Variants in SPPL3 observed in about 807,000 individuals in gnomAD.
SPPL3 encodes the protein signal peptide peptidase like 3, also known as signal peptide peptidase-like 3.
SPPL3 carries 5 observed loss-of-function variants against 42.4 expected under a neutral mutation model. The observed-to-expected ratio is 0.12, with a 90% confidence interval of 0.06 to 0.25. The LOEUF is 0.25. SPPL3 is among the 10% of genes least tolerant of loss of function. The pLI, the probability that SPPL3 is intolerant of heterozygous loss-of-function variation, is 1.00. For synonymous variants in SPPL3, 195 were observed against 181.8 expected (o/e 1.07, Z -0.58); for missense variants, 235 against 489.0 (o/e 0.48, Z 4.90).
chr12:120,862,008 T>C (rs1872629858), intron 1 of SPPL3, among the ~76,000 whole-genome samples: 1 of 152,158 alleles, frequency 6.6e-6, no homozygotes, highest in Admixed American at 6.5e-5. Flanking sequence ...TGAACATGAA[T>C]TACAATGTAG....
intron 1 of SPPL3, among the ~76,000 whole-genome samples, chr12:120,852,878 T>TTATATGAAATA (rs1461979024): frequency 7.2e-6 from 1 of 138,200 alleles, no homozygotes; most frequent in African/African-American, 2.8e-5. Flanking sequence ...TATATACATA[T>TTATATGAAATA]CATATATATT....
At chr12:120,899,717 C>G (rs1231977287) in intron 1 of SPPL3, among the ~76,000 whole-genome samples, 1 of 151,416 alleles carries the variant, frequency 6.6e-6, no homozygotes. Context: ...ATGGTGAAAT[C>G]CCATCTCTAC....
chr12:120,893,044 C>A (rs1455634532), intron 1 of SPPL3, among the ~76,000 whole-genome samples: 2 of 150,048 alleles, frequency 1.3e-5, no homozygotes, highest in Admixed American at 6.7e-5. Flanking sequence ...CCAAGAGAGA[C>A]AAAAACTAAA....
At chr12:120,889,839 T>TC (rs1873576755) in intron 1 of SPPL3, among the ~76,000 whole-genome samples, 1 of 152,212 alleles carries the variant, frequency 6.6e-6, no homozygotes, top group African/African-American at 2.4e-5. Context: ...TAATAGTTTT[T>TC]CACTTAACAT....
At position 120,857,155 on chromosome 12, in the gene SPPL3, C is replaced by G. The variant is rs371226547; in HGVS notation, c.24-46269G>C. On this transcript the variant is annotated intron_variant, in intron 1 of 10. Coordinates refer to ENST00000353487, the MANE Select transcript of SPPL3 (RefSeq NM_139015.5). ...TCTGAAAGTGCTAGGATTCCCTCTT[C>G]CCCTCCACCAGAAAAGTCAAAAGAG... Among the ~76,000 whole-genome samples the G allele has an allele frequency of 1.6e-4, 25 of 152,290 alleles. No individual in the cohort carries two copies. In the South Asian group the frequency reaches 4.8e-3, roughly 29 times the overall value.
chr12:120,763,926 A>G lies in SPPL3; in HGVS notation c.*1073T>C, dbSNP rs2136962675. 6.6e-6 allele frequency: 1 copy of G among 152,616 alleles called. No individual in the cohort carries two copies. The highest frequency in any genetic ancestry group is 2.4e-5 in the African/African-American group (1 of 41,524). 9.5% of individuals were successfully genotyped at this position (152,616 alleles called of 1,614,324 possible). On this transcript the variant is annotated 3_prime_UTR_variant, in exon 11 of 11. Coordinates refer to ENST00000353487, the MANE Select transcript of SPPL3 (RefSeq NM_139015.5). ...ATAGAAAAATGTATTTACAAGTAGTACGTTACTATGATGAGAAAGCACAAA... is the reference window on the plus strand; with the variant it reads ...ATAGAAAAATGTATTTACAAGTAGTGCGTTACTATGATGAGAAAGCACAAA...
At chr12:120,815,279 T>C (rs969045564) in intron 1 of SPPL3, among the ~76,000 whole-genome samples, 22 of 152,368 alleles carry the variant, frequency 1.4e-4, no homozygotes, top group African/African-American at 4.1e-4. Context: ...AAAGTGAGTA[T>C]TGTCTAACTT....
At chr12:120,875,834 G>A (rs1873069952) in intron 1 of SPPL3, among the ~76,000 whole-genome samples, 1 of 152,002 alleles carries the variant, frequency 6.6e-6, no homozygotes. Context: ...GTAAGATCCG[G>A]CCACATGCTA....
intron 1 of SPPL3, among the ~76,000 whole-genome samples, chr12:120,862,071 T>A (rs879738945): frequency 6.6e-6 from 1 of 152,220 alleles, no homozygotes; most frequent in Non-Finnish European, 1.5e-5. Context: ...GTTTTCAAAC[T>A]TTTTAGTTCA....
rs1463917774 is a variant in SPPL3, at chr12:120,778,731, TACTA to T, written c.502+3920_502+3923del. Among the ~76,000 whole-genome samples, 6 of 151,954 alleles carry T rather than the reference TACTA, an allele frequency of 3.9e-5. No individual in the cohort carries two copies. The South Asian group carries it at 6.2e-4, about 16-fold the overall frequency. ...GAATACTCAGTTTCTTATGACATTT[TACTA>T]ACTAACTTGACACACAGACATTCAA... On this transcript the variant is annotated intron_variant, in intron 6 of 10. Transcript: ENST00000353487.
chr12:120,885,076 T>A (rs1485139444), intron 1 of SPPL3, among the ~76,000 whole-genome samples: 2 of 152,208 alleles, frequency 1.3e-5, no homozygotes, highest in Non-Finnish European at 2.9e-5. Context: ...AAAACCCTTA[T>A]ATTAATACTT....
intron 1 of SPPL3, among the ~76,000 whole-genome samples, chr12:120,879,795 G>A (rs944750302): frequency 1.3e-5 from 2 of 151,936 alleles, no homozygotes; most frequent in African/African-American, 2.4e-5. Context: ...CATTTCAGGG[G>A]ACTGATTTAA....
intron 1 of SPPL3, among the ~76,000 whole-genome samples, chr12:120,838,130 C>T (rs1032332735): frequency 2.0e-5 from 3 of 152,166 alleles, no homozygotes; most frequent in African/African-American, 7.2e-5. Flanking sequence ...CTATAAAATG[C>T]TTTACCAAAA....
intron 2 of SPPL3, among the ~76,000 whole-genome samples, chr12:120,796,989 G>A (rs1311485006): frequency 6.6e-6 from 1 of 152,174 alleles, no homozygotes; most frequent in African/African-American, 2.4e-5. Context: ...GGCCAACATG[G>A]TGAAACCCTG....
At chr12:120,818,574 G>C (rs1396975212) in intron 1 of SPPL3, among the ~76,000 whole-genome samples, 1 of 152,166 alleles carries the variant, frequency 6.6e-6, no homozygotes, top group South Asian at 2.1e-4. Context: ...CTGAGACACA[G>C]AGAGTACTGT....
intron 1 of SPPL3, among the ~76,000 whole-genome samples, chr12:120,834,260 C>T (rs1333230848): frequency 2.6e-5 from 4 of 152,310 alleles, no homozygotes; most frequent in Non-Finnish European, 4.4e-5. Flanking sequence ...CTGCCTGACC[C>T]TTCAACACAA....
intron 4 of SPPL3, 22 bp downstream of exon 4, chr12:120,784,452 A>G (rs776974983): frequency 1.3e-6 from 2 of 1,577,056 alleles, no homozygotes; most frequent in African/African-American, 1.4e-5. Flanking sequence ...TGTTAAGACT[A>G]GACAGAGAAA....
intron 2 of SPPL3, among the ~76,000 whole-genome samples, chr12:120,798,045 T>C (rs935725990): frequency 6.6e-6 from 1 of 152,170 alleles, no homozygotes; most frequent in African/African-American, 2.4e-5. Context: ...TGTTCTCATA[T>C]AAATCTGGCC....
chr12:120,830,608 G>GAGAGAGAGAGAGAGAGAGAGAGAAA (rs1871397093), intron 1 of SPPL3, among the ~76,000 whole-genome samples: 1 of 61,828 alleles, frequency 1.6e-5, no homozygotes, highest in Non-Finnish European at 3.4e-5. Flanking sequence ...AGAGAGAGAA[G>GAGAGAGAGAGAGAGAGAGAGAGAAA]GTGTACATGC....
Sources: allele counts gnomAD v4.1 joint callset (sites outside exome capture counted in the v4.1 genomes callset), GRCh38; gene constraint gnomAD v4.1.1; transcripts MANE v1.5; gene names NCBI Gene and HGNC (gene_info 2026-07-23, HGNC 2026-07-21).